NBEA: variants seen among roughly 807,000 people sequenced by gnomAD.
The protein encoded by NBEA is lysosomal-trafficking regulator 2.
Under a neutral mutation model 343.4 loss-of-function variants are expected in NBEA, and 44 were observed. The ratio of observed to expected loss-of-function variants is 0.13; its 90% confidence interval spans 0.10 to 0.16. The LOEUF is 0.16. NBEA is among the 10% of genes least tolerant of loss of function. The pLI is 1.00. For synonymous variants in NBEA, 1,175 were observed against 1,238.7 expected (o/e 0.95, Z 1.08); for missense variants, 2,555 against 3,631.3 (o/e 0.70, Z 7.62).
intron 41 of NBEA, among the ~76,000 whole-genome samples, chr13:35,536,425 T>A (rs1176029629): frequency 1.3e-5 from 2 of 152,194 alleles, no homozygotes; most frequent in African/African-American, 2.4e-5. Context: ...TGTTTTTTTT[T>A]AATTTCAATA....
intron 17 of NBEA, among the ~76,000 whole-genome samples, chr13:35,131,502 A>C (rs139789869): frequency 6.6e-6 from 1 of 152,328 alleles, no homozygotes; most frequent in Admixed American, 6.5e-5. Flanking sequence ...ATCATTTGTC[A>C]TAAAAATTTT....
chr13:35,033,661 G>T (rs982027830), intron 1 of NBEA, among the ~76,000 whole-genome samples: 1 of 151,736 alleles, frequency 6.6e-6, no homozygotes, highest in African/African-American at 2.4e-5. Flanking sequence ...TCTATTTTGG[G>T]TGTCCTCTTC....
intron 31 of NBEA, among the ~76,000 whole-genome samples, chr13:35,207,811 A>G (rs2073494963): frequency 6.6e-6 from 1 of 152,160 alleles, no homozygotes; most frequent in Admixed American, 6.5e-5. Context: ...TATTCCTACT[A>G]TAAAAGCAAC....
chr13:35,207,993 A>T (rs918977888), intron 31 of NBEA, among the ~76,000 whole-genome samples: 2 of 152,082 alleles, frequency 1.3e-5, no homozygotes, highest in African/African-American at 4.8e-5. Context: ...GGCCAAGTGG[A>T]TGGATCACCT....
intron 41 of NBEA, among the ~76,000 whole-genome samples, chr13:35,480,578 A>C (rs1019261571): frequency 1.1e-4 from 16 of 151,988 alleles, no homozygotes; most frequent in African/African-American, 3.9e-4. Context: ...CGCTGGGGAG[A>C]TAAAAAGAAT....
At chr13:34,955,384 G>A (rs2059460007) in intron 1 of NBEA, among the ~76,000 whole-genome samples, 1 of 152,002 alleles carries the variant, frequency 6.6e-6, no homozygotes, top group African/African-American at 2.4e-5. Context: ...GGGAATGGAA[G>A]AATAAACAGA....
intron 41 of NBEA, among the ~76,000 whole-genome samples, chr13:35,539,885 C>A (rs1409464671): frequency 8.4e-6 from 1 of 118,680 alleles, no homozygotes; most frequent in African/African-American, 3.4e-5. Flanking sequence ...CACTGCACTC[C>A]AGCCTGGGCG....
At chr13:35,645,489 T>A (rs1354124983) in intron 49 of NBEA, among the ~76,000 whole-genome samples, 1 of 152,182 alleles carries the variant, frequency 6.6e-6, no homozygotes, top group Non-Finnish European at 1.5e-5. Flanking sequence ...CCAGACAGTT[T>A]GAGGGCTAAA....
At chr13:35,583,129 G>T (rs2081132245) in intron 45 of NBEA, among the ~76,000 whole-genome samples, 1 of 152,122 alleles carries the variant, frequency 6.6e-6, no homozygotes, top group African/African-American at 2.4e-5. Context: ...AAGGCAGTTT[G>T]CTATTTGAAA....
chr13:34,974,888 A>G (rs1239178532), intron 1 of NBEA, among the ~76,000 whole-genome samples: 1 of 152,200 alleles, frequency 6.6e-6, no homozygotes, highest in Non-Finnish European at 1.5e-5. Context: ...GTTTTTACTT[A>G]AATACCTATT....
chr13:35,499,200 C>G (rs1239578157), intron 41 of NBEA, among the ~76,000 whole-genome samples: 1 of 152,066 alleles, frequency 6.6e-6, no homozygotes, highest in Non-Finnish European at 1.5e-5. Flanking sequence ...GGTGTCAATT[C>G]TTTGGTTTTG....
At chr13:35,024,171 A>AT (rs374592643) in intron 1 of NBEA, among the ~76,000 whole-genome samples, 22 of 151,616 alleles carry the variant, frequency 1.5e-4, no homozygotes, top group African/African-American at 2.2e-4. Flanking sequence ...AAAGGATGTG[A>AT]TTTTTTTTTG....
chr13:35,100,846 A>G (rs1308123450), intron 11 of NBEA, among the ~76,000 whole-genome samples: 8 of 151,958 alleles, frequency 5.3e-5, no homozygotes, highest in African/African-American at 1.9e-4. Flanking sequence ...TTCCTTTACC[A>G]GTATTCCCTA....
chr13:35,510,206 T>A (rs985320473), intron 41 of NBEA, among the ~76,000 whole-genome samples: 1 of 152,184 alleles, frequency 6.6e-6, no homozygotes, highest in Non-Finnish European at 1.5e-5. Flanking sequence ...GGAACTTGTG[T>A]GTTTCCATGG....
At chr13:35,039,791 A>G (rs2062582248) in intron 1 of NBEA, among the ~76,000 whole-genome samples, 1 of 151,458 alleles carries the variant, frequency 6.6e-6, no homozygotes, top group Non-Finnish European at 1.5e-5. Flanking sequence ...TCCTAATTCT[A>G]CTCCCTGTCT....
chr13:35,126,410 A>G (rs2067135665), intron 17 of NBEA, among the ~76,000 whole-genome samples: 1 of 152,198 alleles, frequency 6.6e-6, no homozygotes, highest in Admixed American at 6.6e-5. Context: ...GTATTTAATT[A>G]TGAGTTAATA....
chr13:35,283,913 G>A (rs1368903183), intron 34 of NBEA, among the ~76,000 whole-genome samples: 1 of 151,944 alleles, frequency 6.6e-6, no homozygotes, highest in Admixed American at 6.6e-5. Context: ...AGATGTGTAA[G>A]TGTGTGTATG....
chr13:35,514,533 G>A (rs1272594823), intron 41 of NBEA, among the ~76,000 whole-genome samples: 1 of 151,972 alleles, frequency 6.6e-6, no homozygotes, highest in African/African-American at 2.4e-5. Context: ...AACTCTTGAT[G>A]CAAAAGCCTA....
chr13:35,488,260 C>T (rs2076375051), intron 41 of NBEA, among the ~76,000 whole-genome samples: 1 of 151,832 alleles, frequency 6.6e-6, no homozygotes, highest in Non-Finnish European at 1.5e-5. Context: ...AATGTTTTTG[C>T]TCAGTTTAAG....
Sources: allele counts gnomAD v4.1 joint callset (sites outside exome capture counted in the v4.1 genomes callset), GRCh38; gene constraint gnomAD v4.1.1; transcripts MANE v1.5; gene names NCBI Gene and HGNC (gene_info 2026-07-23, HGNC 2026-07-21).